Variants in TTC27 observed in about 807,000 individuals in gnomAD.
The protein encoded by TTC27 is tetratricopeptide repeat domain 27, also known as tetratricopeptide repeat protein 27.
Under a neutral mutation model 115.9 loss-of-function variants are expected in TTC27, and 79 were observed. The observed-to-expected ratio is 0.68, with a 90% CI of 0.57 to 0.82. TTC27 has a LOEUF of 0.82. TTC27 is among the 40% of genes least tolerant of loss of function. TTC27 has a pLI of 0.00. For synonymous variants in TTC27, 401 were observed against 356.0 expected (o/e 1.13, Z -1.42); for missense variants, 1,054 against 993.1 (o/e 1.06, Z -0.82).
chr2:32,642,159 A>G (rs546245541), intron 4 of TTC27, among the ~76,000 whole-genome samples: 1 of 152,006 alleles, frequency 6.6e-6, no homozygotes, highest in East Asian at 1.9e-4. Context: ...GCCCGGCCCA[A>G]GCATCACAAT....
At chr2:32,800,491 A>T (rs1285830201) in intron 16 of TTC27, among the ~76,000 whole-genome samples, 1 of 140,552 alleles carries the variant, frequency 7.1e-6, no homozygotes, top group Admixed American at 7.3e-5. Flanking sequence ...CTTTATTTTT[A>T]TTTTATTTTT....
At chr2:32,812,270 C>A (rs1251080960) in intron 17 of TTC27, among the ~76,000 whole-genome samples, 1 of 152,162 alleles carries the variant, frequency 6.6e-6, no homozygotes. Flanking sequence ...TTATATCTTT[C>A]TGGTTACAGG....
Position 32,702,896 on chromosome 2 carries a change from G to A in TTC27, c.1209G>A (p.Val403=), listed in dbSNP as rs759363164. Residue 403 remains valine (V), a synonymous_variant, in exon 10 of 20, where the codon GTG becomes GTA. Coordinates refer to ENST00000317907, the MANE Select transcript of TTC27 (RefSeq NM_017735.5). ...TTGAGAAAGGAAGTACTCGCCGAGT[G>A]GAACGGGCAATGAGGCAGACACAGG... ...TKLEKGSTRR[V]ERAMRQTQAL... 1.8e-5 allele frequency: 29 copies of A among 1,613,866 alleles called. No homozygotes were observed. The highest frequency in any genetic ancestry group is 1.6e-4 in the Middle Eastern group (1 of 6,082).
chr2:32,793,938 G>T (rs1397409852), intron 16 of TTC27, among the ~76,000 whole-genome samples: 3 of 152,004 alleles, frequency 2.0e-5, no homozygotes, highest in Middle Eastern at 3.4e-3. Flanking sequence ...TTGTTTTGTA[G>T]CTCCATATTT....
At chr2:32,714,326 T>C (rs975506347) in intron 10 of TTC27, among the ~76,000 whole-genome samples, 11 of 151,918 alleles carry the variant, frequency 7.2e-5, no homozygotes, top group African/African-American at 2.2e-4. Context: ...GCCTGGCTAA[T>C]TTTTTGTATT....
intron 9 of TTC27, among the ~76,000 whole-genome samples, chr2:32,682,944 C>T (rs1471397364): frequency 1.3e-5 from 2 of 149,646 alleles, no homozygotes; most frequent in Non-Finnish European, 1.5e-5. Flanking sequence ...AGCTCCGCCT[C>T]CCGGGTTCAT....
chr2:32,678,487 T>G (rs1216390268), intron 8 of TTC27, among the ~76,000 whole-genome samples: 1 of 151,896 alleles, frequency 6.6e-6, no homozygotes, highest in East Asian at 1.9e-4. Context: ...GAGTGCAGTG[T>G]CGCGATCTCG....
At chr2:32,643,905 C>T (rs1442775803) in intron 4 of TTC27, among the ~76,000 whole-genome samples, 1 of 151,636 alleles carries the variant, frequency 6.6e-6, no homozygotes, top group African/African-American at 2.4e-5. Context: ...CATCTCTGGG[C>T]ATGGTGGTTC....
chr2:32,664,899 C>A (rs1330877465), intron 6 of TTC27, among the ~76,000 whole-genome samples: 1 of 150,774 alleles, frequency 6.6e-6, no homozygotes, highest in Non-Finnish European at 1.5e-5. Flanking sequence ...GTGGCGTGAT[C>A]TTGGCTCACT....
chr2:32,657,369 T>C lies in TTC27; in HGVS notation c.641-6934T>C, dbSNP rs1179274914. Reference sequence around the variant, plus strand: ...ACTGTCTTTCTTTTTTTTTTTTTTTTTTGAGACGGAGTCTCTCTCTGTCGC... The same window carrying C: ...ACTGTCTTTCTTTTTTTTTTTTTTTCTTGAGACGGAGTCTCTCTCTGTCGC... On this transcript the variant is annotated intron_variant, in intron 5 of 19. Coordinates refer to ENST00000317907, the MANE Select transcript of TTC27 (RefSeq NM_017735.5). Among the ~76,000 whole-genome samples, 42 of 150,372 alleles carry C rather than the reference T, an allele frequency of 2.8e-4. 1 individual carries two copies. The highest frequency in any genetic ancestry group is 2.7e-3 in the Admixed American group (40 of 15,032).
chr2:32,643,794 G>A (rs1040084686), intron 4 of TTC27, among the ~76,000 whole-genome samples: 5 of 151,986 alleles, frequency 3.3e-5, no homozygotes, highest in African/African-American at 1.2e-4. Context: ...CAGCACTTTG[G>A]GAGGCCAAGG....
At chr2:32,733,148 G>A (rs1668348478) in intron 10 of TTC27, among the ~76,000 whole-genome samples, 1 of 152,180 alleles carries the variant, frequency 6.6e-6, no homozygotes, top group Admixed American at 6.5e-5. Context: ...TTTGCAGTTG[G>A]CCCTGGTACC....
chr2:32,817,527 C>T lies in TTC27; in HGVS notation c.2379C>T (p.Leu793=), dbSNP rs1242659524. Residue 793 remains leucine (L), a synonymous_variant, in exon 19 of 20, where the codon CTC becomes CTT. Coordinates refer to ENST00000317907, the MANE Select transcript of TTC27 (RefSeq NM_017735.5). ...EAVQMLSSVR[L]NLRGLLSKAK... ...TACAAATGCTTTCTTCTGTTCGACT[C>T]AATTTACGGGGCTTGTTATCTAAAG... 1.2e-6 allele frequency: 2 copies of T among 1,614,050 alleles called. No individual in the cohort carries two copies. Among genetic ancestry groups the T allele is most frequent in the Admixed American group, 1.7e-5 (1 of 60,018 alleles).
intron 10 of TTC27, among the ~76,000 whole-genome samples, chr2:32,704,692 A>C (rs1272454429): frequency 6.6e-6 from 1 of 152,016 alleles, no homozygotes; most frequent in African/African-American, 2.4e-5. Context: ...AACAATTCCT[A>C]GTCCTTTTTT....
chr2:32,634,639 G>A (rs943037695), intron 3 of TTC27, among the ~76,000 whole-genome samples: 1 of 151,254 alleles, frequency 6.6e-6, no homozygotes, highest in East Asian at 1.9e-4. Context: ...TTTATTTCAG[G>A]TAAGTTTTTA....
intron 10 of TTC27, among the ~76,000 whole-genome samples, chr2:32,723,032 C>A (rs373672846): frequency 6.6e-6 from 1 of 151,844 alleles, no homozygotes; most frequent in Non-Finnish European, 1.5e-5. Context: ...TATAAAGGAA[C>A]CTTTACTAGT....
At chr2:32,817,200 T>C (rs934525344) in intron 18 of TTC27, among the ~76,000 whole-genome samples, 3 of 151,354 alleles carry the variant, frequency 2.0e-5, no homozygotes, top group African/African-American at 4.9e-5. Context: ...AGTTCAAGGC[T>C]GTATGCCACA....
chr2:32,691,449 C>T (rs986466323), intron 9 of TTC27, among the ~76,000 whole-genome samples: 2 of 152,006 alleles, frequency 1.3e-5, no homozygotes, highest in African/African-American at 4.8e-5. Context: ...CAGGCACACG[C>T]CACTGCACCC....
At chr2:32,671,019 A>G (rs1346289303) in intron 7 of TTC27, among the ~76,000 whole-genome samples, 1 of 152,114 alleles carries the variant, frequency 6.6e-6, no homozygotes, top group Non-Finnish European at 1.5e-5. Context: ...ATGTTTTGTC[A>G]GTATATTTGG....
Sources: gnomAD v4.1 joint callset for allele counts (sites outside exome capture counted in the v4.1 genomes callset) on GRCh38, gnomAD v4.1.1 for gene constraint, MANE v1.5 for transcripts, NCBI Gene and HGNC (gene_info 2026-07-23, HGNC 2026-07-21) for gene names.